Variants in CCDC30 observed in about 807,000 individuals in gnomAD.
CCDC30 encodes coiled-coil domain containing 30, also known as coiled-coil domain-containing protein 30.
In CCDC30, 70 loss-of-function variants were observed where a neutral mutation model predicts 100.2. The ratio of observed to expected loss-of-function variants is 0.70; its 90% CI spans 0.58 to 0.85. CCDC30 has a LOEUF of 0.85. Among genes scored for constraint, CCDC30 ranks in the 40% least tolerant of loss-of-function variants. The pLI, the probability that CCDC30 is intolerant of heterozygous loss-of-function variation, is 0.00. For missense variants in CCDC30, 652 were observed against 771.2 expected (o/e 0.85, Z 1.83); for synonymous variants, 233 against 269.5 (o/e 0.86, Z 1.33).
chr1:42,643,178 C>T (rs190792825), intron 13 of CCDC30, among the ~76,000 whole-genome samples: 9 of 152,280 alleles, frequency 5.9e-5, no homozygotes, highest in Admixed American at 5.9e-4. Context: ...TTACTATATG[C>T]TAGGCACTGT....
At position 42,525,179 on chromosome 1, in the gene CCDC30, T is replaced by C. The variant is rs990282973; in HGVS notation, c.456+26263T>C. ...TATTTGAGCTTCTAGATTCTGTGAG[T>C]TTATAGTTTTCCTCAAATATGGAAA... On this transcript the variant is annotated intron_variant, in intron 6 of 16. Coordinates refer to ENST00000668663, the Ensembl canonical transcript of CCDC30. Among the ~76,000 whole-genome samples the C allele has an allele frequency of 3.3e-5, 5 of 152,154 alleles. No homozygotes were observed. The East Asian group carries it at 5.8e-4, about 18-fold the overall frequency.
intron 5 of CCDC30, among the ~76,000 whole-genome samples, chr1:42,498,293 G>T (rs1463402383): frequency 1.3e-5 from 2 of 152,146 alleles, no homozygotes; most frequent in East Asian, 1.9e-4. Flanking sequence ...GGAGTAACGG[G>T]AGTTATTGTT....
intron 4 of CCDC30, among the ~76,000 whole-genome samples, chr1:42,490,569 T>A (rs1360995457): frequency 2.0e-5 from 3 of 151,872 alleles, no homozygotes; most frequent in South Asian, 2.1e-4. Context: ...CTACCACTAC[T>A]ACTACCATTT....
At chr1:42,602,098 C>CTGATT in intron 10 of CCDC30, among the ~76,000 whole-genome samples, 1 of 151,692 alleles carries the variant, frequency 6.6e-6, no homozygotes, top group South Asian at 2.1e-4. Context: ...AATCAGTGAG[C>CTGATT]TCAAGACAGG....
At chr1:42,555,015 T>G (rs989989293) in intron 6 of CCDC30, among the ~76,000 whole-genome samples, 1 of 152,076 alleles carries the variant, frequency 6.6e-6, no homozygotes, top group Non-Finnish European at 1.5e-5. Flanking sequence ...AAGTCAGAAA[T>G]CCAGGTCATG....
intron 6 of CCDC30, among the ~76,000 whole-genome samples, chr1:42,530,196 A>G (rs1249062594): frequency 1.3e-5 from 2 of 152,234 alleles, no homozygotes; most frequent in African/African-American, 4.8e-5. Flanking sequence ...CCATGTCATA[A>G]TGCCTAAGTC....
chr1:42,473,371 C>A, intron 1 of CCDC30: 2 of 919,480 alleles, frequency 2.2e-6, no homozygotes, highest in Non-Finnish European at 2.8e-6. Flanking sequence ...ATTAAATTGA[C>A]ATATTAAAAA....
At chr1:42,545,177 A>AT (rs1217638155) in intron 6 of CCDC30, among the ~76,000 whole-genome samples, 6 of 143,386 alleles carry the variant, frequency 4.2e-5, no homozygotes, top group Non-Finnish European at 6.0e-5. Context: ...AAAAAAAAAA[A>AT]AAAAAAAAAA....
chr1:42,593,448 A>G (rs1028564816), intron 10 of CCDC30: 1 of 152,204 alleles, frequency 6.6e-6, no homozygotes, highest in Non-Finnish European at 1.5e-5. Flanking sequence ...GCAACCTAGA[A>G]GCTCCCTAAA....
intron 10 of CCDC30, chr1:42,593,494 T>C (rs1025784012): frequency 1.2e-4 from 18 of 152,208 alleles, no homozygotes; most frequent in African/African-American, 4.1e-4. Flanking sequence ...GACTTCATTA[T>C]GTAGGCATGA....
intron 4 of CCDC30, among the ~76,000 whole-genome samples, chr1:42,495,602 G>A (rs1360205637): frequency 2.6e-5 from 4 of 152,002 alleles, no homozygotes; most frequent in Non-Finnish European, 5.9e-5. Context: ...GGCTGAGGCA[G>A]GAAAATCACT....
chr1:42,534,472 C>T (rs1248831643), intron 6 of CCDC30, among the ~76,000 whole-genome samples: 1 of 152,224 alleles, frequency 6.6e-6, no homozygotes, highest in African/African-American at 2.4e-5. Context: ...TTCTTGACTA[C>T]ATCTTTTGTC....
At chr1:42,519,495 A>C (rs1644603760) in intron 6 of CCDC30, among the ~76,000 whole-genome samples, 1 of 151,816 alleles carries the variant, frequency 6.6e-6, no homozygotes, top group Admixed American at 6.6e-5. Context: ...TTTCTTTGTG[A>C]TTTAGTCTTG....
chr1:42,532,867 G>T (rs997662876), intron 6 of CCDC30, among the ~76,000 whole-genome samples: 1 of 152,214 alleles, frequency 6.6e-6, no homozygotes, highest in Admixed American at 6.5e-5. Context: ...CCGGGTTCAC[G>T]CCATTCTCCT....
chr1:42,638,744 C>T (rs1647213537), intron 12 of CCDC30, among the ~76,000 whole-genome samples: 1 of 151,902 alleles, frequency 6.6e-6, no homozygotes, highest in Non-Finnish European at 1.5e-5. Context: ...AGCATGGTGG[C>T]ACATGCCTGT....
At chr1:42,653,096 T>G (rs1395255074) in intron 15 of CCDC30, among the ~76,000 whole-genome samples, 3 of 152,104 alleles carry the variant, frequency 2.0e-5, no homozygotes, top group African/African-American at 4.8e-5. Flanking sequence ...TCTCCAAAAT[T>G]TATATAACAA....
At chr1:42,508,863 G>GA (rs1342701156) in intron 6 of CCDC30, among the ~76,000 whole-genome samples, 1 of 152,148 alleles carries the variant, frequency 6.6e-6, no homozygotes, top group African/African-American at 2.4e-5. Context: ...TCCAAGAAGA[G>GA]AAAAGCATAA....
chr1:42,480,003 A>T (rs1643932719), intron 1 of CCDC30, among the ~76,000 whole-genome samples: 1 of 152,282 alleles, frequency 6.6e-6, no homozygotes. Flanking sequence ...GATGGGGGAC[A>T]TCTCTGGTGC....
chr1:42,540,373 T>C (rs1397813081), intron 6 of CCDC30, among the ~76,000 whole-genome samples: 2 of 151,530 alleles, frequency 1.3e-5, no homozygotes, highest in Non-Finnish European at 2.9e-5. Flanking sequence ...AGGTAAGTTA[T>C]CATCACGTTG....
Sources: gnomAD v4.1 joint callset for allele counts (sites outside exome capture counted in the v4.1 genomes callset) on GRCh38, gnomAD v4.1.1 for gene constraint, MANE v1.5 for transcripts, NCBI Gene and HGNC (gene_info 2026-07-23, HGNC 2026-07-21) for gene names.